Variants in NPIPB2 observed in about 807,000 individuals in gnomAD.
The protein encoded by NPIPB2 is nuclear pore complex interacting protein family member B2.
In NPIPB2, 27 loss-of-function variants were observed where a neutral mutation model predicts 30.8. That is an observed-to-expected ratio of 0.88 (90% CI 0.65 to 1.21). The LOEUF is 1.21. Among genes scored for constraint, NPIPB2 ranks in the 50% most tolerant of loss-of-function variants. The probability of loss-of-function intolerance (pLI) is 0.00; values close to 1 mark genes in which losing one functional copy is unlikely to be tolerated. For missense variants in NPIPB2, 440 were observed against 446.2 expected, an observed-to-expected ratio of 0.99 and a Z score of 0.13; for synonymous variants, 147 against 162.0, an observed-to-expected ratio of 0.91 and a Z score of 0.70.
chr16:11,927,496 G>T (rs749948579), exon 8 of NPIPB2: 1 of 1,355,840 alleles, frequency 7.4e-7, no homozygotes, highest in Non-Finnish European at 9.7e-7. Flanking sequence ...CCACCTCAGC[G>T]GCCCTCCGCC....
Position 11,941,798 on chromosome 16 carries a change from C to G in NPIPB2, c.63+185G>C, listed in dbSNP as rs969668634. ...CCCTCCCCCATCTCAGTCTCCCACTCTCCTCCCAAGGACAGGTCCTCTCTG... is the reference window on the plus strand; with the variant it reads ...CCCTCCCCCATCTCAGTCTCCCACTGTCCTCCCAAGGACAGGTCCTCTCTG... On this transcript the variant is annotated intron_variant, in intron 1 of 7. Coordinates refer to ENST00000399147, the Ensembl canonical transcript of NPIPB2. The G allele has an allele frequency of 7.5e-5, 98 of 1,300,038 alleles. No homozygotes were observed. In the African/African-American group the frequency reaches 9.0e-4, roughly 12 times the overall value. The allele number at this position is 1,300,038 out of a possible 1,614,324, so 80.5% of individuals were successfully genotyped here.
intron 4 of NPIPB2, among the ~76,000 whole-genome samples, chr16:11,932,505 C>T (rs1389711595): frequency 1.3e-5 from 2 of 151,782 alleles, no homozygotes; most frequent in African/African-American, 2.4e-5. Context: ...GGGCTGGGAA[C>T]GGTGGCTCAT....
At chr16:11,951,223 G>T (rs1037407062) in intron 1 of NPIPB2, among the ~76,000 whole-genome samples, 1 of 151,748 alleles carries the variant, frequency 6.6e-6, no homozygotes, top group Non-Finnish European at 1.5e-5. Context: ...TTGAGAGGCC[G>T]AGGCGGGTGG....
intron 1 of NPIPB2, among the ~76,000 whole-genome samples, chr16:11,961,158 C>G (rs551782088): frequency 3.7e-4 from 57 of 152,288 alleles, no homozygotes; most frequent in African/African-American, 1.3e-3. Context: ...CCACTGCACC[C>G]AGCCTGGGAG....
chr16:11,943,008 C>T (rs1289350371), upstream of NPIPB2, among the ~76,000 whole-genome samples: 1 of 152,102 alleles, frequency 6.6e-6, no homozygotes, highest in African/African-American at 2.4e-5. Flanking sequence ...AAAAACAACC[C>T]TAAGAAACAA....
In NPIPB2 at chr16:11,966,410, C is replaced by CT. The variant is rs944175416; in HGVS notation, c.-584+10157dup. ...GCTATTGTGAGTTTCAGTTCCTTTT[C>CT]TTTTTTTAGCGTTGACTATTTCACT... On this transcript the variant is annotated intron_variant, in intron 1 of 5. Transcript: ENST00000538896. 6 of 1,496,828 alleles carry CT rather than the reference C, an allele frequency of 4.0e-6. No individual in the cohort carries two copies. The African/African-American group carries it at 4.2e-5, about 11-fold the overall frequency. 92.7% of individuals were successfully genotyped at this position (1,496,828 alleles called of 1,614,324 possible).
chr16:11,934,340 G>T (rs1158263952), intron 2 of NPIPB2, among the ~76,000 whole-genome samples: 1 of 150,510 alleles, frequency 6.6e-6, no homozygotes, highest in African/African-American at 2.4e-5. Context: ...GATCACCTGA[G>T]GTCGGGAGTT....
At chr16:11,963,396 A>AAT (rs1433802550) in intron 1 of NPIPB2, among the ~76,000 whole-genome samples, 2 of 151,996 alleles carry the variant, frequency 1.3e-5, no homozygotes, top group Non-Finnish European at 2.9e-5. Context: ...AAAAAAAAAA[A>AAT]AGAATAAGTT....
intron 1 of NPIPB2, among the ~76,000 whole-genome samples, chr16:11,957,153 G>A (rs538121810): frequency 7.1e-6 from 1 of 141,326 alleles, no homozygotes; most frequent in South Asian, 2.4e-4. Flanking sequence ...CACCACACCT[G>A]TCTAACTTTT....
intron 1 of NPIPB2, chr16:11,967,506 T>C (rs2055204531): frequency 3.9e-6 from 6 of 1,528,090 alleles, no homozygotes; most frequent in Non-Finnish European, 5.4e-6. Flanking sequence ...TGTGTACTGC[T>C]AAGACTCTCA....
intron 1 of NPIPB2, among the ~76,000 whole-genome samples, chr16:11,974,105 A>G (rs2055252738): frequency 6.6e-6 from 1 of 151,960 alleles, no homozygotes; most frequent in Non-Finnish European, 1.5e-5. Context: ...GCTTTGAGAG[A>G]TTTGCTGTGT....
chr16:11,943,804 C>G (rs1374184988), upstream of NPIPB2, among the ~76,000 whole-genome samples: 1 of 151,204 alleles, frequency 6.6e-6, no homozygotes, highest in South Asian at 2.1e-4. Context: ...CGAGACCATC[C>G]TGGCTAACAT....
intron 1 of NPIPB2, among the ~76,000 whole-genome samples, chr16:11,950,214 G>T (rs575090007): frequency 6.6e-6 from 1 of 152,024 alleles, no homozygotes; most frequent in African/African-American, 2.4e-5. Context: ...TATATTTTTA[G>T]TAGTAGTGAT....
At chr16:11,965,385 T>C in intron 1 of NPIPB2, 1 of 1,614,228 alleles carries the variant, frequency 6.2e-7, no homozygotes, top group South Asian at 1.1e-5. Context: ...GTTGCATGCT[T>C]GCATACCTTG....
At chr16:11,934,402 A>T (rs1365924982) in intron 2 of NPIPB2, among the ~76,000 whole-genome samples, 1 of 151,240 alleles carries the variant, frequency 6.6e-6, no homozygotes, top group African/African-American at 2.4e-5. Context: ...AAAAATACAA[A>T]ATTAGCCAGG....
intron 1 of NPIPB2, among the ~76,000 whole-genome samples, chr16:11,958,997 G>A (rs748089593): frequency 2.6e-5 from 4 of 152,186 alleles, no homozygotes; most frequent in East Asian, 1.9e-4. Flanking sequence ...GGGGGAGCTC[G>A]TAGAGGGGTT....
At chr16:11,938,059 C>T (rs2054891077) in intron 1 of NPIPB2, among the ~76,000 whole-genome samples, 1 of 152,244 alleles carries the variant, frequency 6.6e-6, no homozygotes, top group African/African-American at 2.4e-5. Flanking sequence ...CACTCAGTCG[C>T]CCAGGCTGGA....
chr16:11,941,097 C>T, intron 1 of NPIPB2: 4 of 1,383,152 alleles, frequency 2.9e-6, no homozygotes, highest in Non-Finnish European at 3.8e-6. Flanking sequence ...CAGGCCTGAG[C>T]TGTGTAATTT....
chr16:11,972,428 G>T, intron 1 of NPIPB2, among the ~76,000 whole-genome samples: 1 of 151,852 alleles, frequency 6.6e-6, no homozygotes, highest in Admixed American at 6.6e-5. Flanking sequence ...ACAATAATTA[G>T]CCGGGGCTTG....
Sources: allele counts gnomAD v4.1 joint callset (sites outside exome capture counted in the v4.1 genomes callset), GRCh38; gene constraint gnomAD v4.1.1; transcripts MANE v1.5; gene names NCBI Gene and HGNC (gene_info 2026-07-23, HGNC 2026-07-21).